The following EMC3 variants were observed in gnomAD, a reference collection of about 807,000 sequenced individuals.
EMC3 encodes the protein ER membrane protein complex subunit 3.
A neutral mutation model predicts 36.6 loss-of-function variants in EMC3; 13 were observed. The ratio of observed to expected loss-of-function variants is 0.35; its 90% CI spans 0.23 to 0.56. The LOEUF (loss-of-function observed/expected upper bound fraction) is 0.56. EMC3 is among the 20% of genes least tolerant of loss of function. The pLI, the probability that EMC3 is intolerant of heterozygous loss-of-function variation, is 0.84. For synonymous variants in EMC3, 120 were observed against 111.9 expected (o/e 1.07, Z -0.46); for missense variants, 220 against 324.5 (o/e 0.68, Z 2.47).
In EMC3 at chr3:9,969,749, G is replaced by A. The variant is rs765590721; in HGVS notation, c.627C>T (p.Ala209=). Residue 209 remains alanine, a synonymous_variant, in exon 7 of 8, where the codon GCC becomes GCT. Coordinates refer to ENST00000245046, the MANE Select transcript of EMC3 (RefSeq NM_001394674.1). ...MQEQMTGAAM[A]MPADTNKAFK... The stretch of plus-strand genomic sequence containing the variant: ...AAGCTTTGTTTGTGTCTGCGGGCAT[G>A]GCCATGGCTGCTCCCGTCATCTGCT... 4.2e-5 allele frequency: 67 copies of A among 1,613,914 alleles called. No individual in the cohort carries two copies. Among genetic ancestry groups the A allele is most frequent in the Non-Finnish European group, 5.5e-5 (65 of 1,180,032 alleles).
At chr3:9,967,447 A>G (rs559111391) in intron 7 of EMC3, among the ~76,000 whole-genome samples, 1 of 84,980 alleles carries the variant, frequency 1.2e-5, no homozygotes, top group Admixed American at 1.0e-4. Flanking sequence ...TTTTCCCAGC[A>G]CCATTCGTTG....
upstream of EMC3, chr3:9,988,279 C>G (rs1239420158): frequency 6.0e-6 from 4 of 664,950 alleles, no homozygotes; most frequent in African/African-American, 3.6e-5. Context: ...GTCATTTACT[C>G]CAGGGTACAT....
chr3:10,002,943 G>T, intron 1 of EMC3: 2 of 449,782 alleles, frequency 4.4e-6, no homozygotes, highest in Non-Finnish European at 8.9e-6. Context: ...TCCCAGAAAT[G>T]TCCCTGGCTC....
chr3:9,978,179 A>T (rs75173746), intron 1 of EMC3: 1 of 136,736 alleles, frequency 7.3e-6, no homozygotes, highest in Non-Finnish European at 1.4e-5. Context: ...AAAAAAAAAA[A>T]AAAAAAATTA....
intron 7 of EMC3, chr3:9,968,559 T>G (rs2085754125): frequency 6.6e-6 from 1 of 152,246 alleles, no homozygotes; most frequent in Non-Finnish European, 1.5e-5. Context: ...GTTCTTAATC[T>G]TAAAGGGAAA....
At chr3:9,990,721 G>C (rs200375790), upstream of EMC3, among the ~76,000 whole-genome samples, 26 of 151,602 alleles carry the variant, frequency 1.7e-4, no homozygotes, top group East Asian at 5.1e-3. Flanking sequence ...TATTGGCCAG[G>C]CTAGTCTCAA....
At chr3:9,988,101 C>A, upstream of EMC3, 2 of 558,376 alleles carry the variant, frequency 3.6e-6, no homozygotes, top group South Asian at 1.9e-5. Flanking sequence ...TTAATACTTA[C>A]AACTACAAAT....
At chr3:9,987,074 G>A (rs966306494), upstream of EMC3, 2 of 886,438 alleles carry the variant, frequency 2.3e-6, no homozygotes, top group Non-Finnish European at 2.7e-6. Context: ...AATTAGCCAG[G>A]CGTGGTGGAG....
At chr3:9,986,366 A>T in intron 1 of EMC3, 141 bp downstream of exon 1, 1 of 924,090 alleles carries the variant, frequency 1.1e-6, no homozygotes, top group South Asian at 1.5e-5. Context: ...CAGAGGACAA[A>T]AGTGAAACAC....
At chr3:9,989,529 A>G (rs1330047356), upstream of EMC3, among the ~76,000 whole-genome samples, 1 of 151,992 alleles carries the variant, frequency 6.6e-6, no homozygotes, top group Admixed American at 6.6e-5. Flanking sequence ...GCCTTTAAAG[A>G]TTTTTCTTTG....
At chr3:9,970,477 T>C (rs558722312) in intron 6 of EMC3, 105 bp downstream of exon 6, 5 of 1,263,018 alleles carry the variant, frequency 4.0e-6, no homozygotes, top group Non-Finnish European at 5.8e-6. Context: ...AAACATTTTA[T>C]TTGACTATGG....
intron 5 of EMC3, among the ~76,000 whole-genome samples, chr3:9,972,607 T>C (rs116058053): frequency 0.025 from 3,736 of 151,070 alleles, 173 homozygotes; most frequent in African/African-American, 0.086. Flanking sequence ...CCTGTCTCCA[T>C]GAAAAATAAA....
chr3:9,970,510 G>T, intron 6 of EMC3, 72 bp downstream of exon 6: 1 of 1,497,698 alleles, frequency 6.7e-7, no homozygotes, highest in South Asian at 1.1e-5. Flanking sequence ...CAACCTACAA[G>T]ACTTTTCTGG....
intron 1 of EMC3, among the ~76,000 whole-genome samples, chr3:9,979,605 T>C (rs974144802): frequency 2.0e-5 from 3 of 152,214 alleles, no homozygotes; most frequent in Non-Finnish European, 4.4e-5. Flanking sequence ...TGAAGAACGG[T>C]GATCAAAATA....
intron 7 of EMC3, among the ~76,000 whole-genome samples, chr3:9,966,004 A>G (rs967692080): frequency 1.4e-4 from 21 of 152,160 alleles, no homozygotes; most frequent in Non-Finnish European, 1.5e-5. Context: ...GTGGACATAC[A>G]TTTTCAGTTC....
upstream of EMC3, among the ~76,000 whole-genome samples, chr3:9,990,325 C>CTTTTTTTTTT (rs4020037): frequency 3.9e-4 from 35 of 88,686 alleles, 3 homozygotes; most frequent in African/African-American, 2.0e-3. Flanking sequence ...GGGCCTTTCT[C>CTTTTTTTTTT]TTTTTTTTTT....
chr3:9,987,393 G>T (rs2085989944), upstream of EMC3: 2 of 678,018 alleles, frequency 2.9e-6, no homozygotes, highest in Non-Finnish European at 3.6e-6. Flanking sequence ...TTCCTCATCT[G>T]CCCTGAGATG....
intron 7 of EMC3, chr3:9,969,410 G>A: frequency 8.0e-7 from 1 of 1,247,694 alleles, no homozygotes; most frequent in Non-Finnish European, 1.0e-6. Context: ...ATGTCTATGG[G>A]GTTCAAAAAG....
At chr3:9,987,106 C>T (rs1183149172), upstream of EMC3, 9 of 821,176 alleles carry the variant, frequency 1.1e-5, no homozygotes, top group Non-Finnish European at 1.3e-5. Flanking sequence ...CGCAGCTACT[C>T]GGGAGGCTGA....
Sources: allele counts gnomAD v4.1 joint callset (sites outside exome capture counted in the v4.1 genomes callset), GRCh38; gene constraint gnomAD v4.1.1; transcripts MANE v1.5; gene names NCBI Gene and HGNC (gene_info 2026-07-23, HGNC 2026-07-21).